The following PLCL2 variants were observed in gnomAD, a reference collection of about 807,000 sequenced individuals.
PLCL2 encodes phospholipase C like 2.
PLCL2 carries 4 observed loss-of-function variants against 79.6 expected under a neutral mutation model. That is an observed-to-expected ratio of 0.05 (90% CI 0.02 to 0.11). PLCL2 has a LOEUF of 0.11. Among genes scored for constraint, PLCL2 ranks in the 10% least tolerant of loss-of-function variants. The probability of loss-of-function intolerance (pLI) is 1.00; values close to 1 mark genes in which losing one functional copy is unlikely to be tolerated. For missense variants in PLCL2, 895 were observed against 1,291.0 expected, an observed-to-expected ratio of 0.69 and a Z score of 4.70; for synonymous variants, 484 against 457.7, an observed-to-expected ratio of 1.06 and a Z score of -0.73.
chr3:17,062,890 C>G (rs1047433308), intron 4 of PLCL2, among the ~76,000 whole-genome samples: 12 of 152,086 alleles, frequency 7.9e-5, no homozygotes, highest in Non-Finnish European at 1.8e-4. Flanking sequence ...TTGTCACTAT[C>G]CCTAAGCAGC....
intron 3 of PLCL2, among the ~76,000 whole-genome samples, chr3:17,028,890 A>G (rs907391191): frequency 6.6e-6 from 1 of 152,122 alleles, no homozygotes; most frequent in Non-Finnish European, 1.5e-5. Context: ...CTCAAAATCC[A>G]TTTTTGGTGA....
chr3:16,911,163 G>A (rs1181790005), intron 1 of PLCL2, among the ~76,000 whole-genome samples: 1 of 149,960 alleles, frequency 6.7e-6, no homozygotes, highest in Non-Finnish European at 1.5e-5. Flanking sequence ...TGAGGCAGGA[G>A]AATCACTTGA....
In PLCL2 at chr3:16,987,666, G is replaced by A. The variant is rs568121395; in HGVS notation, c.328-22008G>A. 2.0e-5 allele frequency among the ~76,000 whole-genome samples: 3 copies of A among 152,212 alleles called. No homozygotes were observed. The East Asian group carries it at 5.8e-4, about 29-fold the overall frequency. On this transcript the variant is annotated intron_variant, in intron 1 of 5. Transcript: ENST00000615277. ...GCCAGTAAGTTTTCTAATGACTAAA[G>A]AGACAAATGCTGCCTTTGGAGAAAA...
At chr3:16,885,783 A>T (rs551055363) in intron 1 of PLCL2, among the ~76,000 whole-genome samples, 1 of 152,364 alleles carries the variant, frequency 6.6e-6, no homozygotes, top group South Asian at 2.1e-4. Context: ...CGGCGAACAG[A>T]GGGTGAACAG....
At chr3:16,991,192 C>T (rs186479771) in intron 1 of PLCL2, among the ~76,000 whole-genome samples, 5 of 152,266 alleles carry the variant, frequency 3.3e-5, no homozygotes, top group East Asian at 3.9e-4. Flanking sequence ...CTGTGGCTAC[C>T]GAACAGAGCA....
intron 1 of PLCL2, among the ~76,000 whole-genome samples, chr3:16,939,378 C>T (rs1175843533): frequency 6.6e-6 from 1 of 152,168 alleles, no homozygotes; most frequent in Non-Finnish European, 1.5e-5. Flanking sequence ...CTATGAAAGT[C>T]ATGGGTATGA....
intron 2 of PLCL2, among the ~76,000 whole-genome samples, chr3:17,014,108 G>A (rs545377257): frequency 5.5e-4 from 84 of 152,150 alleles, no homozygotes; most frequent in African/African-American, 1.7e-3. Context: ...TTAGAAAAAA[G>A]AGAGAGAGAG....
chr3:16,972,741 C>T (rs1254486995), intron 1 of PLCL2, among the ~76,000 whole-genome samples: 2 of 151,994 alleles, frequency 1.3e-5, no homozygotes, highest in African/African-American at 4.8e-5. Context: ...ATGTATTGCC[C>T]TTCTTTGTCT....
At chr3:16,920,905 T>A (rs1313041675) in intron 1 of PLCL2, among the ~76,000 whole-genome samples, 6 of 152,216 alleles carry the variant, frequency 3.9e-5, no homozygotes, top group Non-Finnish European at 8.8e-5. Context: ...TTTATTTTTG[T>A]CCTTTAAAGG....
At position 17,072,940 on chromosome 3, in the gene PLCL2, C is replaced by G. The variant is rs553340598; in HGVS notation, c.3204+4875C>G. Among the ~76,000 whole-genome samples, 6 of 152,238 alleles carry G rather than the reference C, an allele frequency of 3.9e-5. No individual in the cohort carries two copies. In the South Asian group the frequency reaches 1.0e-3, roughly 26 times the overall value. On this transcript the variant is annotated intron_variant, in intron 5 of 5. Coordinates refer to ENST00000615277, the MANE Select transcript of PLCL2 (RefSeq NM_001144382.2). ...AGGCTTCTTAAGATATTGGACCCAG[C>G]CTTCTCTTCTCAGAGTTTGTAAAAT...
Position 16,884,976 on chromosome 3 carries a change from A to G in PLCL2, c.-64A>G. On this transcript the variant is annotated 5_prime_UTR_variant, in exon 1 of 6. Coordinates refer to ENST00000615277, the MANE Select transcript of PLCL2 (RefSeq NM_001144382.2). The surrounding 1 kb of genome is among the most constrained non-coding windows in gnomAD (Gnocchi z 9.3). ...AGGAGGGGCCGCGCGCGGCGGCCCG[A>G]GGCGGCGGCGGGGACGCGGGGACGC... 1 of 170,616 alleles carries G rather than the reference A, an allele frequency of 5.9e-6. No homozygotes were observed. Among genetic ancestry groups the G allele is most frequent in the Non-Finnish European group, 1.2e-5 (1 of 82,860 alleles). 10.6% of individuals were successfully genotyped at this position (170,616 alleles called of 1,614,324 possible).
rs1470431239 is a variant in PLCL2, at chr3:16,887,821, A to G, written c.327+2455A>G. Among the ~76,000 whole-genome samples the G allele has an allele frequency of 1.3e-5, 2 of 152,228 alleles. No individual in the cohort carries two copies. The highest frequency in any genetic ancestry group is 4.8e-5 in the African/African-American group (2 of 41,462). On this transcript the variant is annotated intron_variant, in intron 1 of 5. Transcript: ENST00000615277. The surrounding 1 kb of genome is among the most constrained non-coding windows in gnomAD (Gnocchi z 4.1). ...TTAAAAAAAAAAAGAATAAAAAGCT[A>G]AAGCAGAAGCCCATGTGAAAAAGCA...
At chr3:17,036,240 G>A (rs908121512) in intron 3 of PLCL2, among the ~76,000 whole-genome samples, 8 of 152,232 alleles carry the variant, frequency 5.3e-5, no homozygotes, top group Non-Finnish European at 7.4e-5. Flanking sequence ...TAATTGTAGC[G>A]CACAGCTGGC....
Position 16,962,426 on chromosome 3 carries a change from T to C in PLCL2, c.328-47248T>C, listed in dbSNP as rs531380092. The stretch of plus-strand genomic sequence containing the variant: ...AGGAGCCTCATCCAGGAGCTTTCTT[T>C]TTTTTTTTTCCCCAAGGACCTTTGA... On this transcript the variant is annotated intron_variant, in intron 1 of 5. Coordinates refer to ENST00000615277, the MANE Select transcript of PLCL2 (RefSeq NM_001144382.2). 5.1e-4 allele frequency among the ~76,000 whole-genome samples: 77 copies of C among 151,750 alleles called. 1 individual carries two copies. Among genetic ancestry groups the C allele is most frequent in the African/African-American group, 1.8e-3 (73 of 41,414 alleles).
rs375448982 is a variant in PLCL2 at position 17,010,987 on chromosome 3, A to G, written c.1641A>G (p.Ser547=). 7 of 1,613,188 alleles carry G rather than the reference A, an allele frequency of 4.3e-6. No homozygotes were observed. The highest frequency in any genetic ancestry group is 1.3e-5 in the African/African-American group (1 of 74,908). Residue 547 remains serine, a synonymous_variant, in exon 2 of 6, where the codon TCA becomes TCG. Coordinates refer to ENST00000615277, the MANE Select transcript of PLCL2 (RefSeq NM_001144382.2). This position sits in a 1 kb window ranked among gnomAD's most constrained non-coding sequence, Gnocchi z 5.8. ...KLLGDKLYTT[S]PNVEESYLPS... ...TAGGAGACAAGCTCTATACAACATCACCCAATGTTGAGGAATCTTATCTAC... is the reference window on the plus strand; with the variant it reads ...TAGGAGACAAGCTCTATACAACATCGCCCAATGTTGAGGAATCTTATCTAC...
intron 1 of PLCL2, chr3:16,933,264 A>G (rs1697452972): frequency 6.5e-6 from 1 of 154,832 alleles, no homozygotes. Context: ...CCACCTCTCC[A>G]CAGCCTTGTT....
intron 4 of PLCL2, among the ~76,000 whole-genome samples, chr3:17,052,782 G>A (rs959483758): frequency 1.2e-4 from 18 of 152,128 alleles, no homozygotes; most frequent in African/African-American, 4.1e-4. Flanking sequence ...CCACTTCCAC[G>A]TGATAAATAG....
chr3:16,941,868 T>TA (rs377402350), intron 1 of PLCL2, among the ~76,000 whole-genome samples: 73 of 141,842 alleles, frequency 5.1e-4, no homozygotes, highest in South Asian at 2.9e-3. Context: ...AAGGGCACAG[T>TA]AAAAAAAAAA....
intron 3 of PLCL2, among the ~76,000 whole-genome samples, chr3:17,023,113 C>T (rs1364583676): frequency 6.6e-6 from 1 of 152,106 alleles, no homozygotes; most frequent in African/African-American, 2.4e-5. Flanking sequence ...CTATTCACCT[C>T]GAGGTGGGTA....
Sources: allele counts gnomAD v4.1 joint callset (sites outside exome capture counted in the v4.1 genomes callset), GRCh38; gene constraint gnomAD v4.1.1; non-coding constraint Gnocchi (gnomAD v3.1); transcripts MANE v1.5; gene names NCBI Gene and HGNC (gene_info 2026-07-23, HGNC 2026-07-21).